ASB5: variants seen among roughly 807,000 people sequenced by gnomAD.
ASB5 encodes ankyrin repeat and SOCS box protein 5.
In ASB5, 45 loss-of-function variants were observed where a neutral mutation model predicts 42.1. The observed-to-expected ratio is 1.07, with a 90% CI of 0.84 to 1.37. ASB5 has a LOEUF of 1.37. Among genes scored for constraint, ASB5 ranks in the 40% most tolerant of loss-of-function variants. The pLI, the probability that ASB5 is intolerant of heterozygous loss-of-function variation, is 0.00. For missense variants in ASB5, 402 were observed against 399.8 expected (o/e 1.01, Z -0.05); for synonymous variants, 147 against 150.6 (o/e 0.98, Z 0.18).
chr4:176,258,279 A>T (rs1754194230), intron 1 of ASB5, among the ~76,000 whole-genome samples: 1 of 152,182 alleles, frequency 6.6e-6, no homozygotes, highest in African/African-American at 2.4e-5. Flanking sequence ...TACAGACGTT[A>T]AGCAACTTTC....
chr4:176,237,368 G>A (rs888542243), intron 1 of ASB5: 20 of 985,672 alleles, frequency 2.0e-5, no homozygotes, highest in South Asian at 1.4e-4. Context: ...CCTTCTTTTC[G>A]TGAGGACCTG....
rs1752894772 is a variant in ASB5, at chr4:176,213,713, C to T, written c.*1887G>A. On this transcript the variant is annotated 3_prime_UTR_variant, in exon 7 of 7. Transcript: ENST00000296525. ...TAATAATCACACTTTAATATAATAA[C>T]AAACATACAATACATTAAAGTTAGA... is the stretch of plus-strand genomic sequence containing the variant. The T allele has an allele frequency of 6.6e-6, 1 of 151,918 alleles. No individual in the cohort carries two copies. Among genetic ancestry groups the T allele is most frequent in the South Asian group, 2.1e-4 (1 of 4,830 alleles). The allele number at this position is 151,918 out of a possible 1,614,324, so 9.4% of individuals were successfully genotyped here.
intron 1 of ASB5, among the ~76,000 whole-genome samples, chr4:176,241,226 A>T (rs1449243415): frequency 6.6e-6 from 1 of 152,232 alleles, no homozygotes; most frequent in African/African-American, 2.4e-5. Context: ...AAAGCAACTC[A>T]GTTCACAAAC....
intron 1 of ASB5, among the ~76,000 whole-genome samples, chr4:176,232,031 G>C (rs77053438): frequency 6.6e-6 from 1 of 151,638 alleles, no homozygotes; most frequent in Non-Finnish European, 1.5e-5. Flanking sequence ...TAAGGAGAGG[G>C]AATAAGCAAT....
At chr4:176,240,629 A>G (rs1241456446) in intron 1 of ASB5, among the ~76,000 whole-genome samples, 1 of 152,236 alleles carries the variant, frequency 6.6e-6, no homozygotes, top group East Asian at 1.9e-4. Flanking sequence ...AAGAGTGAGT[A>G]AACGTTTTCA....
At chr4:176,239,754 G>A (rs925781544) in intron 1 of ASB5, among the ~76,000 whole-genome samples, 8 of 152,192 alleles carry the variant, frequency 5.3e-5, no homozygotes, top group Non-Finnish European at 1.2e-4. Context: ...GGGGAAAAAA[G>A]AAGCCATTGG....
rs1376665510 is a variant in ASB5, at chr4:176,267,050, C to CA, written c.196+1862dup. On this transcript the variant is annotated intron_variant, in intron 1 of 6. Transcript: ENST00000296525. ...CTCCTCTAAAACTCTTTTCAACCCA[C>CA]AAAAATGTTTCTTCTGTTTAGGCAA... Among the ~76,000 whole-genome samples, 6 of 152,144 alleles carry CA rather than the reference C, an allele frequency of 3.9e-5. No homozygotes were observed. The South Asian group carries it at 1.2e-3, about 32-fold the overall frequency.
intron 2 of ASB5, among the ~76,000 whole-genome samples, chr4:176,224,090 T>C (rs1419459542): frequency 2.6e-5 from 4 of 152,136 alleles, no homozygotes; most frequent in Admixed American, 1.3e-4. Flanking sequence ...GATCCAGGTC[T>C]TGAGACCCAG....
intron 1 of ASB5, among the ~76,000 whole-genome samples, chr4:176,254,627 G>C (rs114633143): frequency 1.8e-4 from 28 of 151,594 alleles, no homozygotes; most frequent in African/African-American, 6.5e-4. Flanking sequence ...CTACAGAATG[G>C]AAGAAGATAT....
At chr4:176,218,608 T>A (rs1489818858) in intron 5 of ASB5, among the ~76,000 whole-genome samples, 1 of 110,582 alleles carries the variant, frequency 9.0e-6, no homozygotes, top group Admixed American at 1.3e-4. Flanking sequence ...TAAATATATA[T>A]GTATGATATA....
intron 1 of ASB5, among the ~76,000 whole-genome samples, chr4:176,243,650 G>A (rs1753854455): frequency 2.6e-5 from 4 of 151,960 alleles, no homozygotes; most frequent in Admixed American, 2.6e-4. Context: ...TTACAGGCAT[G>A]CGCCACTATG....
rs528252952 is a variant in ASB5 at position 176,243,150 on chromosome 4, T to C, written c.197-17809A>G. Among the ~76,000 whole-genome samples, 54 of 152,330 alleles carry C rather than the reference T, an allele frequency of 3.5e-4. 3 individuals are homozygous for C. Among genetic ancestry groups the C allele is most frequent in the African/African-American group, 1.3e-3 (54 of 41,584 alleles). ...AGGAAAAGTGTGCCAACCTCTGGAC[T>C]TTATAATATTAGTCATTTAAAATTT... On this transcript the variant is annotated intron_variant, in intron 1 of 6. Coordinates refer to ENST00000296525, the MANE Select transcript of ASB5 (RefSeq NM_080874.4).
In ASB5 at chr4:176,221,559, G is replaced by A. The variant is rs147166381; in HGVS notation, c.426C>T (p.Asn142=). 1.2e-5 allele frequency: 20 copies of A among 1,613,642 alleles called. 1 individual carries two copies. In the South Asian group the frequency reaches 1.5e-4, roughly 12 times the overall value. ...AGCTTGGACTGCCTTGGGAGCATGC[G>A]TTGAATAACGGAGTCACGCCATCTA... ...ITIDGVTPLF[N]ACSQGSPSCA... The change falls in exon 4 of 7, where the codon AAC becomes AAT. Residue 142 remains asparagine (N), a synonymous_variant. Transcript: ENST00000296525.
At chr4:176,220,458 G>C (rs1242001478) in intron 5 of ASB5, among the ~76,000 whole-genome samples, 1 of 152,116 alleles carries the variant, frequency 6.6e-6, no homozygotes, top group Non-Finnish European at 1.5e-5. Context: ...ACATCTATCA[G>C]ATGAGAGGAT....
upstream of ASB5, among the ~76,000 whole-genome samples, chr4:176,271,661 T>C (rs1449398341): frequency 6.6e-6 from 1 of 152,110 alleles, no homozygotes; most frequent in Non-Finnish European, 1.5e-5. Context: ...ATAGGAAAAA[T>C]CATTTATTGA....
At position 176,214,516 on chromosome 4, in the gene ASB5, T is replaced by C. The variant is rs1382456261; in HGVS notation, c.*1084A>G. Reference sequence around the variant, plus strand: ...ACTAGCTTAGTAATATCTTCTTTTATACAATACTCTCTTGCTATTACTTGC... The same window carrying C: ...ACTAGCTTAGTAATATCTTCTTTTACACAATACTCTCTTGCTATTACTTGC... On this transcript the variant is annotated 3_prime_UTR_variant, in exon 7 of 7. Coordinates refer to ENST00000296525, the MANE Select transcript of ASB5 (RefSeq NM_080874.4). 6.6e-6 allele frequency: 1 copy of C among 152,182 alleles called. No individual in the cohort carries two copies. The highest frequency in any genetic ancestry group is 1.5e-5 in the Non-Finnish European group (1 of 68,026). The allele number at this position is 152,182 out of a possible 1,614,324, so 9.4% of individuals were successfully genotyped here. A position where few individuals can be genotyped will look rare whatever the true frequency, so the allele number is the denominator to read the frequency against.
At chr4:176,264,560 C>A (rs1350318215) in intron 1 of ASB5, among the ~76,000 whole-genome samples, 3 of 152,098 alleles carry the variant, frequency 2.0e-5, no homozygotes, top group Non-Finnish European at 2.9e-5. Flanking sequence ...AAATGCAAGA[C>A]TAGAATTCAG....
At chr4:176,229,389 G>C (rs527774259) in intron 1 of ASB5, among the ~76,000 whole-genome samples, 2 of 152,234 alleles carry the variant, frequency 1.3e-5, no homozygotes, top group African/African-American at 4.8e-5. Context: ...GTAGCTGAAG[G>C]GTACTTGATA....
intron 2 of ASB5, among the ~76,000 whole-genome samples, chr4:176,223,718 T>C (rs965507394): frequency 6.6e-5 from 10 of 152,194 alleles, no homozygotes; most frequent in Non-Finnish European, 1.3e-4. Flanking sequence ...AATCCCACAC[T>C]GCCACACACT....
Sources: gnomAD v4.1 joint callset for allele counts (sites outside exome capture counted in the v4.1 genomes callset) on GRCh38, gnomAD v4.1.1 for gene constraint, MANE v1.5 for transcripts, NCBI Gene and HGNC (gene_info 2026-07-23, HGNC 2026-07-21) for gene names.